NPIPB2: variants seen among roughly 807,000 people sequenced by gnomAD.
The protein encoded by NPIPB2 is nuclear pore complex-interacting protein family member B2.
A neutral mutation model predicts 30.8 loss-of-function variants in NPIPB2; 27 were observed. That is an observed-to-expected ratio of 0.88 (90% CI 0.65 to 1.21). The LOEUF (loss-of-function observed/expected upper bound fraction) is 1.21, where lower values mean the gene tolerates loss of function less well. Ranked by LOEUF, NPIPB2 falls within the 50% of genes most tolerant of loss-of-function variation. The pLI is 0.00. For synonymous variants in NPIPB2, 147 were observed against 162.0 expected (o/e 0.91, Z 0.70); for missense variants, 440 against 446.2 (o/e 0.99, Z 0.13).
chr16:11,966,405 C>CTTTTATTTTTTTTTTTTTT, intron 1 of NPIPB2: 1 of 1,527,476 alleles, frequency 6.5e-7, no homozygotes, highest in African/African-American at 1.4e-5. Flanking sequence ...GTTTCAGTTC[C>CTTTTATTTTTTTTTTTTTT]TTTTCTTTTT....
upstream of NPIPB2, among the ~76,000 whole-genome samples, chr16:11,946,468 G>A (rs1242878382): frequency 6.6e-6 from 1 of 151,560 alleles, no homozygotes; most frequent in Non-Finnish European, 1.5e-5. Context: ...TAAGGAGGCT[G>A]AGGCTGAGGT....
At chr16:11,937,660 A>G (rs531996913) in exon 2 of NPIPB2, 2 of 1,598,834 alleles carry the variant, frequency 1.3e-6, no homozygotes, top group Non-Finnish European at 1.7e-6. Flanking sequence ...CAGCCAGAGT[A>G]TTGATAACCT....
intron 4 of NPIPB2, among the ~76,000 whole-genome samples, chr16:11,931,891 A>T (rs1250165720): frequency 1.3e-5 from 2 of 152,152 alleles, no homozygotes; most frequent in African/African-American, 4.8e-5. Context: ...TCGCATTTGG[A>T]ACCCATTTCC....
chr16:11,944,527 C>A (rs557057240), upstream of NPIPB2, among the ~76,000 whole-genome samples: 1 of 150,644 alleles, frequency 6.6e-6, no homozygotes, highest in African/African-American at 2.4e-5. Context: ...CTTTGGGAGG[C>A]CGAGGCGGGT....
chr16:11,945,919 T>C (rs866996569), upstream of NPIPB2, among the ~76,000 whole-genome samples: 1 of 151,340 alleles, frequency 6.6e-6, no homozygotes, highest in African/African-American at 2.4e-5. Context: ...CATTCAAACA[T>C]GCATAGTTGG....
intron 1 of NPIPB2, among the ~76,000 whole-genome samples, chr16:11,947,977 A>T (rs2055028472): frequency 6.7e-6 from 1 of 148,718 alleles, no homozygotes; most frequent in Non-Finnish European, 1.5e-5. Flanking sequence ...ACAACTACTA[A>T]GGTGTCAATT....
At chr16:11,968,643 C>T (rs1009018694) in intron 1 of NPIPB2, 1 of 152,104 alleles carries the variant, frequency 6.6e-6, no homozygotes, top group Non-Finnish European at 1.5e-5. Flanking sequence ...CTGTAATCAG[C>T]TTCTTAAGGT....
chr16:11,969,256 G>A (rs1167579822), intron 1 of NPIPB2, among the ~76,000 whole-genome samples: 1 of 151,824 alleles, frequency 6.6e-6, no homozygotes, highest in Non-Finnish European at 1.5e-5. Flanking sequence ...CTTGATTTTT[G>A]AATTTTATTT....
At chr16:11,955,327 C>T (rs2055100767) in intron 1 of NPIPB2, among the ~76,000 whole-genome samples, 1 of 131,742 alleles carries the variant, frequency 7.6e-6, no homozygotes, top group African/African-American at 3.0e-5. Context: ...GTACTCTAGC[C>T]TAGGTGACCG....
At chr16:11,942,418 C>T (rs911977471), upstream of NPIPB2, among the ~76,000 whole-genome samples, 6 of 149,534 alleles carry the variant, frequency 4.0e-5, no homozygotes, top group African/African-American at 1.5e-4. Flanking sequence ...AAATGTCTCC[C>T]TCTGGCCTGG....
chr16:11,943,698 G>A (rs186525152), upstream of NPIPB2, among the ~76,000 whole-genome samples: 153 of 133,640 alleles, frequency 1.1e-3, no homozygotes, highest in African/African-American at 3.7e-3. Flanking sequence ...GCAAAACTCC[G>A]TCTTAAAATA....
In NPIPB2 at chr16:11,952,378, G is replaced by C. The variant is rs190169062; in HGVS notation, c.-583-10264C>G. Among the ~76,000 whole-genome samples the C allele has an allele frequency of 1.1e-3, 168 of 151,658 alleles. 1 individual carries two copies. Among genetic ancestry groups the C allele is most frequent in the African/African-American group, 4.0e-3 (165 of 41,428 alleles). On this transcript the variant is annotated intron_variant, in intron 1 of 5. Coordinates refer to the NPIPB2 transcript ENST00000538896. ...TAAAAAATAAAAATAAATAAAAAAA[G>C]AAACCCCTGGAGTCAACAGTCTATC... is the stretch of plus-strand genomic sequence containing the variant.
intron 1 of NPIPB2, chr16:11,967,763 C>T: frequency 9.9e-6 from 16 of 1,614,216 alleles, no homozygotes; most frequent in Non-Finnish European, 1.4e-5. Context: ...CCATTCTTGT[C>T]ACCACGAAAA....
rs1489410883 is a variant in NPIPB2 at position 11,932,712 on chromosome 16, G to T, written c.488+805C>A. Among the ~76,000 whole-genome samples, 82 of 115,912 alleles carry T rather than the reference G, an allele frequency of 7.1e-4. 5 individuals carry two copies. In the East Asian group the frequency reaches 0.021, roughly 30 times the overall value. 76.0% of individuals were successfully genotyped at this position (115,912 alleles called of 152,430 possible). On this transcript the variant is annotated intron_variant, in intron 4 of 7. Coordinates refer to ENST00000399147, the Ensembl canonical transcript of NPIPB2. ...AATCGCTTGAACCTGGGAGGTGGAGGTTGCAGTGAGCCAAGATCATGCCAC... is the reference window on the plus strand; with the variant it reads ...AATCGCTTGAACCTGGGAGGTGGAGTTTGCAGTGAGCCAAGATCATGCCAC...
intron 1 of NPIPB2, among the ~76,000 whole-genome samples, chr16:11,955,376 AG>A (rs2055101734): frequency 1.3e-5 from 2 of 149,650 alleles, no homozygotes; most frequent in Non-Finnish European, 3.0e-5. Context: ...AAAAAAAAAA[AG>A]GTTTCGGGAT....
At chr16:11,946,334 G>A (rs1305876434), upstream of NPIPB2, among the ~76,000 whole-genome samples, 3 of 143,018 alleles carry the variant, frequency 2.1e-5, no homozygotes, top group African/African-American at 7.9e-5. Context: ...GTGGTGAGCC[G>A]AGATCGTACC....
chr16:11,969,289 G>A (rs966313531), intron 1 of NPIPB2, among the ~76,000 whole-genome samples: 5 of 151,924 alleles, frequency 3.3e-5, no homozygotes, highest in East Asian at 3.9e-4. Flanking sequence ...AGACAGTCTC[G>A]CTCTGTCGTT....
chr16:11,972,844 C>A lies in NPIPB2; in HGVS notation c.-584+3724G>T, dbSNP rs1596510166. On this transcript the variant is annotated intron_variant, in intron 1 of 5. Transcript: ENST00000538896. ...ACGCCAGTGCATTCCAGGCTGGCAA[C>A]AGAGCGAGATTCGGACTCAAAAAAA... Among the ~76,000 whole-genome samples the A allele has an allele frequency of 2.8e-5, 4 of 143,094 alleles. No homozygotes were observed. The Middle Eastern group carries it at 0.015, about 550-fold the overall frequency. 93.9% of individuals were successfully genotyped at this position (143,094 alleles called of 152,430 possible).
At chr16:11,957,310 G>A (rs1448284205) in intron 1 of NPIPB2, among the ~76,000 whole-genome samples, 11 of 151,714 alleles carry the variant, frequency 7.3e-5, no homozygotes, top group Admixed American at 4.0e-4. Flanking sequence ...GACTACAGGC[G>A]TGTGACACCA....
Sources: allele counts gnomAD v4.1 joint callset (sites outside exome capture counted in the v4.1 genomes callset), GRCh38; gene constraint gnomAD v4.1.1; transcripts MANE v1.5; gene names NCBI Gene and HGNC (gene_info 2026-07-23, HGNC 2026-07-21).